The following RAPGEF6 variants were observed in gnomAD, a reference collection of about 807,000 sequenced individuals.
RAPGEF6 encodes the protein PDZ domain containing guanine nucleotide exchange factor (GEF) 2.
Under a neutral mutation model 171.4 loss-of-function variants are expected in RAPGEF6, and 56 were observed. The ratio of observed to expected loss-of-function variants is 0.33; its 90% CI spans 0.26 to 0.41. The LOEUF (loss-of-function observed/expected upper bound fraction) is 0.41, where lower values mean the gene tolerates loss of function less well. RAPGEF6 is among the 10% of genes least tolerant of loss of function. RAPGEF6 has a pLI of 1.00. For missense variants in RAPGEF6, 1,674 were observed against 1,921.4 expected (o/e 0.87, Z 2.41); for synonymous variants, 692 against 650.1 (o/e 1.06, Z -0.98).
Position 131,592,412 on chromosome 5 carries a change from C to G in RAPGEF6, c.252G>C (p.Val84=). Reference sequence around the variant, plus strand: ...AAGGAGGCAAGACCATGGAGCCTTTCACAAGCACAGATCCAGAAAGTAGGA... The same window carrying G: ...AAGGAGGCAAGACCATGGAGCCTTTGACAAGCACAGATCCAGAAAGTAGGA... ...WYILLSGSVL[V]KGSMVLPPCS... Residue 84 remains valine (V), a synonymous_variant, in exon 4 of 28, where the codon GTG becomes GTC. Coordinates refer to ENST00000509018, the MANE Select transcript of RAPGEF6 (RefSeq NM_016340.6). The G allele has an allele frequency of 1.2e-6, 2 of 1,613,750 alleles. No individual in the cohort carries two copies. The highest frequency in any genetic ancestry group is 1.7e-6 in the Non-Finnish European group (2 of 1,179,776).
At chr5:131,557,235 T>C (rs186742829) in intron 5 of RAPGEF6, among the ~76,000 whole-genome samples, 2 of 96,440 alleles carry the variant, frequency 2.1e-5, no homozygotes, top group Non-Finnish European at 4.5e-5. Flanking sequence ...AAAAATATTG[T>C]CTCAACTGAT....
rs934604719 is a variant in RAPGEF6, at chr5:131,427,165, T to C, written c.*101A>G. 1.3e-5 allele frequency: 14 copies of C among 1,073,970 alleles called. No individual in the cohort carries two copies. In the Admixed American group the frequency reaches 1.6e-4, roughly 12 times the overall value. 66.5% of individuals were successfully genotyped at this position (1,073,970 alleles called of 1,614,324 possible). On this transcript the variant is annotated 3_prime_UTR_variant, in exon 28 of 28. Transcript: ENST00000509018. ...GGGAATAAAACCTCTGGACTGGTTG[T>C]AGCAATGAGCTGTTCGTTAGCAATG...
At chr5:131,611,596 T>C (rs1312783609) in intron 1 of RAPGEF6, among the ~76,000 whole-genome samples, 1 of 152,148 alleles carries the variant, frequency 6.6e-6, no homozygotes, top group African/African-American at 2.4e-5. Flanking sequence ...CACTTGAACC[T>C]GGGAGGTAGA....
chr5:131,465,800 T>G (rs964373376), intron 17 of RAPGEF6, among the ~76,000 whole-genome samples: 2 of 151,930 alleles, frequency 1.3e-5, no homozygotes, highest in African/African-American at 4.8e-5. Flanking sequence ...AAAAAAAGAA[T>G]TAGGGAATAT....
chr5:131,512,978 C>G (rs551586147), intron 7 of RAPGEF6, among the ~76,000 whole-genome samples: 1 of 152,244 alleles, frequency 6.6e-6, no homozygotes, highest in East Asian at 1.9e-4. Context: ...AAGCTACCCC[C>G]CAGTCTACAG....
chr5:131,488,447 G>A (rs1038052018), intron 15 of RAPGEF6, among the ~76,000 whole-genome samples: 7 of 151,982 alleles, frequency 4.6e-5, no homozygotes, highest in Admixed American at 1.3e-4. Flanking sequence ...CTTATTTTTC[G>A]AAACTGGAAA....
At chr5:131,564,143 A>G (rs531396385) in intron 4 of RAPGEF6, among the ~76,000 whole-genome samples, 1 of 152,312 alleles carries the variant, frequency 6.6e-6, no homozygotes, top group East Asian at 1.9e-4. Flanking sequence ...TGAAAAGCTA[A>G]TAAGCGTTTT....
chr5:131,546,919 T>C (rs1260310084), intron 6 of RAPGEF6, among the ~76,000 whole-genome samples: 1 of 152,186 alleles, frequency 6.6e-6, no homozygotes, highest in Non-Finnish European at 1.5e-5. Flanking sequence ...ACAATCTGTT[T>C]CTAATTTTTC....
At chr5:131,564,971 G>GC in intron 4 of RAPGEF6, among the ~76,000 whole-genome samples, 1 of 151,990 alleles carries the variant, frequency 6.6e-6, no homozygotes, top group Non-Finnish European at 1.5e-5. Flanking sequence ...ATTAGTTTTA[G>GC]CATTTTTTTT....
In RAPGEF6 at chr5:131,428,966, C is replaced by T. The variant is rs1751533369; in HGVS notation, c.4716G>A (p.Arg1572=). 6.2e-7 allele frequency: 1 copy of T among 1,614,070 alleles called. No homozygotes were observed. Among genetic ancestry groups the T allele is most frequent in the African/African-American group, 1.3e-5 (1 of 74,918 alleles). ...VPSKIVTQPQ[R]HNLQPFHPKL... is the part of the protein sequence containing the mutation. The stretch of plus-strand genomic sequence containing the variant: ...TAGGATGGAATGGCTGCAAATTATG[C>T]CTCTGAGGCTGAGTTACAATCTTCG... Residue 1572 remains arginine (R), a synonymous_variant, in exon 27 of 28, where the codon AGG becomes AGA. Coordinates refer to ENST00000509018, the MANE Select transcript of RAPGEF6 (RefSeq NM_016340.6).
chr5:131,431,420 A>G, intron 25 of RAPGEF6, 71 bp from the exon 26 acceptor site: 1 of 1,499,214 alleles, frequency 6.7e-7, no homozygotes, highest in Non-Finnish European at 8.9e-7. Flanking sequence ...TCAAGTTATT[A>G]TTGCCTGTGA....
At chr5:131,512,948 A>C (rs1757837334) in intron 7 of RAPGEF6, among the ~76,000 whole-genome samples, 1 of 152,150 alleles carries the variant, frequency 6.6e-6, no homozygotes. Flanking sequence ...AATAGTGAGA[A>C]ATAAATTTCT....
At chr5:131,569,459 T>C (rs552893749) in intron 4 of RAPGEF6, among the ~76,000 whole-genome samples, 21 of 152,084 alleles carry the variant, frequency 1.4e-4, no homozygotes, top group African/African-American at 4.6e-4. Flanking sequence ...GGCAATTCAA[T>C]GGGGAAAAAA....
rs1751389574 is a variant in RAPGEF6 at position 131,426,258 on chromosome 5, A to G, written c.*1008T>C. On this transcript the variant is annotated 3_prime_UTR_variant, in exon 28 of 28. Coordinates refer to ENST00000509018, the MANE Select transcript of RAPGEF6 (RefSeq NM_016340.6). ...GGAGGCATGCTGCAGAACACTGCAT[A>G]AAGTCAAATTCGTCTTCATTATTAC... 1 of 152,322 alleles carries G rather than the reference A, an allele frequency of 6.6e-6. No individual in the cohort carries two copies. Among genetic ancestry groups the G allele is most frequent in the Non-Finnish European group, 1.5e-5 (1 of 68,038 alleles). 9.4% of individuals were successfully genotyped at this position (152,322 alleles called of 1,614,324 possible).
chr5:131,483,685 G>A (rs1755658631), intron 15 of RAPGEF6, among the ~76,000 whole-genome samples: 1 of 151,840 alleles, frequency 6.6e-6, no homozygotes, highest in Non-Finnish European at 1.5e-5. Context: ...AACCACTTAG[G>A]GAAAATACTT....
At chr5:131,479,287 T>C (rs1755310791) in intron 16 of RAPGEF6, among the ~76,000 whole-genome samples, 1 of 152,170 alleles carries the variant, frequency 6.6e-6, no homozygotes, top group Non-Finnish European at 1.5e-5. Flanking sequence ...AAATGGACAG[T>C]CTTTCCCAAA....
intron 1 of RAPGEF6, among the ~76,000 whole-genome samples, chr5:131,614,861 C>A (rs764482164): frequency 6.6e-6 from 1 of 152,220 alleles, no homozygotes; most frequent in Non-Finnish European, 1.5e-5. Flanking sequence ...CCAAGTAATT[C>A]TGTAGCTACC....
intron 4 of RAPGEF6, among the ~76,000 whole-genome samples, chr5:131,585,814 G>A (rs937122876): frequency 2.0e-5 from 3 of 151,998 alleles, no homozygotes; most frequent in Non-Finnish European, 4.4e-5. Flanking sequence ...CGGCAAGAGC[G>A]AAACTCCGTC....
At chr5:131,497,923 A>C (rs1756738846) in intron 12 of RAPGEF6, among the ~76,000 whole-genome samples, 1 of 152,242 alleles carries the variant, frequency 6.6e-6, no homozygotes, top group Non-Finnish European at 1.5e-5. Context: ...AACATTTAAT[A>C]CAAAAAAATA....
Sources: allele counts gnomAD v4.1 joint callset (sites outside exome capture counted in the v4.1 genomes callset), GRCh38; gene constraint gnomAD v4.1.1; transcripts MANE v1.5; gene names NCBI Gene and HGNC (gene_info 2026-07-23, HGNC 2026-07-21).